Variants in PMPCB observed in about 807,000 individuals in gnomAD.
PMPCB encodes peptidase, mitochondrial processing subunit beta, also known as mitochondrial-processing peptidase subunit beta.
A neutral mutation model predicts 61.5 loss-of-function variants in PMPCB; 46 were observed. That is an observed-to-expected ratio of 0.75 (90% CI 0.59 to 0.96). The LOEUF (loss-of-function observed/expected upper bound fraction) is 0.96. Ranked by LOEUF, PMPCB falls within the 40% of genes least tolerant of loss-of-function variation. The pLI, the probability that PMPCB is intolerant of heterozygous loss-of-function variation, is 0.00. For synonymous variants in PMPCB, 191 were observed against 201.6 expected (o/e 0.95, Z 0.44); for missense variants, 590 against 602.4 (o/e 0.98, Z 0.22).
chr7:103,325,566 C>T (rs1275442943), intron 12 of PMPCB, among the ~76,000 whole-genome samples: 1 of 152,092 alleles, frequency 6.6e-6, no homozygotes, highest in Non-Finnish European at 1.5e-5. Context: ...AGAAGAATCA[C>T]CTGGGAGCCT....
chr7:103,310,887 A>G (rs1021886846), intron 9 of PMPCB: 25 of 154,254 alleles, frequency 1.6e-4, no homozygotes, highest in Non-Finnish European at 3.2e-4. Flanking sequence ...GGGTTTCACC[A>G]TGTTGACCAG....
the PMPCB span, among the ~76,000 whole-genome samples, chr7:103,340,848 A>G: frequency 6.6e-6 from 1 of 152,150 alleles, no homozygotes; most frequent in African/African-American, 2.4e-5. Context: ...ATTTCTAACC[A>G]TCTACTAGAC....
intron 12 of PMPCB, chr7:103,327,384 A>G (rs1050956196): frequency 1.7e-6 from 2 of 1,184,520 alleles, no homozygotes; most frequent in Non-Finnish European, 2.3e-6. Context: ...GGATCCTGTT[A>G]AAATGCAGAT....
intron 12 of PMPCB, among the ~76,000 whole-genome samples, chr7:103,320,264 A>G (rs1818311342): frequency 6.6e-6 from 1 of 151,690 alleles, no homozygotes; most frequent in South Asian, 2.1e-4. Context: ...AATTTTTTCT[A>G]TATTTAGTAG....
rs1192059213 is a variant in PMPCB, at chr7:103,312,486, A to G, written c.*215A>G. On this transcript the variant is annotated 3_prime_UTR_variant, in exon 13 of 13. Transcript: ENST00000249269. Reference sequence around the variant, plus strand: ...GTTGGAAGCAGCATACTTTCAAATTATTACCATGAGTATAATTTTAAGAAT... The same window carrying G: ...GTTGGAAGCAGCATACTTTCAAATTGTTACCATGAGTATAATTTTAAGAAT... 1 of 1,565,056 alleles carries G rather than the reference A, an allele frequency of 6.4e-7. No homozygotes were observed. Among genetic ancestry groups the G allele is most frequent in the Non-Finnish European group, 8.6e-7 (1 of 1,161,112 alleles).
At chr7:103,344,720 C>T in the PMPCB span, 42 of 1,301,054 alleles carry the variant, frequency 3.2e-5, no homozygotes, top group Non-Finnish European at 4.2e-5. Flanking sequence ...CCGAGCCTCG[C>T]GCCTTGGCTC....
chr7:103,327,476 C>A lies in PMPCB; in HGVS notation c.*1432-1455C>A, dbSNP rs78365152. Reference sequence around the variant, plus strand: ...TGTTGCTGATGCTGCTGGCTGGGGACACCTCACTTTGTGTCGTGAGGCTCT... The same window carrying A: ...TGTTGCTGATGCTGCTGGCTGGGGAAACCTCACTTTGTGTCGTGAGGCTCT... On this transcript the variant is annotated intron_variant and NMD_transcript_variant, in intron 12 of 12. Coordinates refer to the PMPCB transcript ENST00000444457. 1.1e-3 allele frequency: 776 copies of A among 695,886 alleles called. 5 individuals carry two copies. The African/African-American group carries it at 0.013, about 12-fold the overall frequency. 43.1% of individuals were successfully genotyped at this position (695,886 alleles called of 1,614,324 possible). A position where few individuals can be genotyped will look rare whatever the true frequency, so the allele number is the denominator to read the frequency against.
At chr7:103,324,839 T>TG (rs1818617680) in intron 12 of PMPCB, 1 of 199,856 alleles carries the variant, frequency 5.0e-6, no homozygotes, top group Admixed American at 6.0e-5. Flanking sequence ...TAAAATACAA[T>TG]GCCATAGCAG....
downstream of PMPCB, among the ~76,000 whole-genome samples, chr7:103,319,254 T>A (rs968207795): frequency 2.6e-5 from 4 of 152,100 alleles, no homozygotes; most frequent in African/African-American, 9.7e-5. Context: ...CTGACCAACA[T>A]GGTGAAACCC....
At chr7:103,345,779 G>A in the PMPCB span, among the ~76,000 whole-genome samples, 1 of 151,694 alleles carries the variant, frequency 6.6e-6, no homozygotes, top group Non-Finnish European at 1.5e-5. Flanking sequence ...TAATTGGTCT[G>A]TATATCTGCT....
rs1487100415 is a variant in PMPCB, at chr7:103,303,210, G to A, written c.458-632G>A. On this transcript the variant is annotated intron_variant, in intron 4 of 12. Transcript: ENST00000249269. ...CAGCTCACTGCAATCTTTGCCTCCC[G>A]AGCTCCACCCATCCTCCCATCTCAG... Among the ~76,000 whole-genome samples the A allele has an allele frequency of 3.3e-5, 5 of 152,244 alleles. No individual in the cohort carries two copies. The South Asian group carries it at 6.2e-4, about 19-fold the overall frequency.
At chr7:103,335,224 A>G in the PMPCB span, 1 of 152,240 alleles carries the variant, frequency 6.6e-6, no homozygotes, top group Non-Finnish European at 1.5e-5. Flanking sequence ...GCAAGCATTC[A>G]AAGGACATCA....
At chr7:103,331,166 A>T (rs1818954292), downstream of PMPCB, among the ~76,000 whole-genome samples, 1 of 152,042 alleles carries the variant, frequency 6.6e-6, no homozygotes, top group Admixed American at 6.5e-5. Flanking sequence ...CATGTTGGCC[A>T]GGCTTGGTCT....
chr7:103,340,348 G>T, the PMPCB span, among the ~76,000 whole-genome samples: 4 of 152,246 alleles, frequency 2.6e-5, no homozygotes, highest in African/African-American at 7.2e-5. Flanking sequence ...AATGGATGAG[G>T]TGGTGGGAGA....
At chr7:103,325,676 C>T (rs1818666637) in intron 12 of PMPCB, among the ~76,000 whole-genome samples, 1 of 152,058 alleles carries the variant, frequency 6.6e-6, no homozygotes, top group Non-Finnish European at 1.5e-5. Context: ...TTCCAATGTG[C>T]AGCCAAGATG....
intron 12 of PMPCB, chr7:103,326,461 C>A: frequency 7.4e-7 from 1 of 1,350,742 alleles, no homozygotes; most frequent in South Asian, 1.3e-5. Context: ...AAACTATTAT[C>A]AGAGGGAAAG....
At chr7:103,324,440 T>C (rs760928435) in intron 12 of PMPCB, 12 of 1,419,942 alleles carry the variant, frequency 8.5e-6, no homozygotes, top group Non-Finnish European at 1.0e-5. Context: ...TACTTTTCCT[T>C]TTAAAAAATG....
chr7:103,310,510 C>G, intron 9 of PMPCB, 35 bp downstream of exon 9: 1 of 1,537,044 alleles, frequency 6.5e-7, no homozygotes. Context: ...TTAAATTTTG[C>G]CTTTAATTCG....
At chr7:103,330,961 T>C (rs998800106), downstream of PMPCB, among the ~76,000 whole-genome samples, 7 of 151,470 alleles carry the variant, frequency 4.6e-5, no homozygotes, top group African/African-American at 1.7e-4. Context: ...ATGAACAAAA[T>C]CCATTTTTTT....
Sources: allele counts gnomAD v4.1 joint callset (sites outside exome capture counted in the v4.1 genomes callset), GRCh38; gene constraint gnomAD v4.1.1; transcripts MANE v1.5; gene names NCBI Gene and HGNC (gene_info 2026-07-23, HGNC 2026-07-21).